CTNNA3: variants seen among roughly 807,000 people sequenced by gnomAD.
CTNNA3 encodes the protein catenin alpha-3.
CTNNA3 carries 76 observed loss-of-function variants against 95.7 expected under a neutral mutation model. That is an observed-to-expected ratio of 0.79 (90% CI 0.66 to 0.96). The LOEUF (loss-of-function observed/expected upper bound fraction) is 0.96, where lower values mean the gene tolerates loss of function less well. Ranked by LOEUF, CTNNA3 falls within the 40% of genes least tolerant of loss-of-function variation. CTNNA3 has a pLI of 0.00. For synonymous variants in CTNNA3, 431 were observed against 374.4 expected, an observed-to-expected ratio of 1.15 and a Z score of -1.74; for missense variants, 1,191 against 1,089.8, an observed-to-expected ratio of 1.09 and a Z score of -1.31.
rs372712619 is a variant in CTNNA3, at chr10:66,777,762, T to TACACACAC, written c.1048-2246_1048-2239dup. Among the ~76,000 whole-genome samples, 741 of 136,938 alleles carry TACACACAC rather than the reference T, an allele frequency of 5.4e-3. 9 individuals carry two copies. The highest frequency in any genetic ancestry group is 0.018 in the African/African-American group (660 of 35,914). The allele number at this position is 136,938 out of a possible 152,430, so 89.8% of individuals were successfully genotyped here. On this transcript the variant is annotated intron_variant, in intron 7 of 17. Coordinates refer to ENST00000433211, the MANE Select transcript of CTNNA3 (RefSeq NM_013266.4). ...AAGTGGGACAGACAAAGAGACCTCC[T>TACACACAC]ACACACACACACACACACACACACA...
intron 9 of CTNNA3, among the ~76,000 whole-genome samples, chr10:66,737,903 C>T (rs770878210): frequency 6.6e-6 from 1 of 152,108 alleles, no homozygotes; most frequent in African/African-American, 2.4e-5. Flanking sequence ...GTGATCTGCC[C>T]GCCTTGGCCT....
At chr10:66,641,407 CTT>C (rs775545005) in intron 9 of CTNNA3, among the ~76,000 whole-genome samples, 1 of 152,106 alleles carries the variant, frequency 6.6e-6, no homozygotes, top group Non-Finnish European at 1.5e-5. Context: ...GGTCTACACT[CTT>C]TCCATTGAAT....
intron 7 of CTNNA3, among the ~76,000 whole-genome samples, chr10:67,081,765 G>A (rs1857071766): frequency 6.6e-6 from 1 of 152,146 alleles, no homozygotes; most frequent in African/African-American, 2.4e-5. Context: ...TTCTCTGAAT[G>A]AGTTCCTTGT....
chr10:66,612,333 C>A (rs1024819183), intron 10 of CTNNA3, among the ~76,000 whole-genome samples: 1 of 152,082 alleles, frequency 6.6e-6, no homozygotes, highest in East Asian at 1.9e-4. Context: ...ATCAATCTTC[C>A]GAAAGCACAG....
chr10:66,889,515 A>C (rs1845179717), intron 7 of CTNNA3, among the ~76,000 whole-genome samples: 1 of 152,172 alleles, frequency 6.6e-6, no homozygotes, highest in Non-Finnish European at 1.5e-5. Context: ...TTTTGCTGTG[A>C]ACTTATAATT....
At chr10:67,050,002 T>A (rs1854983642) in intron 7 of CTNNA3, among the ~76,000 whole-genome samples, 1 of 152,218 alleles carries the variant, frequency 6.6e-6, no homozygotes, top group African/African-American at 2.4e-5. Flanking sequence ...TAATGCAGTA[T>A]CCATTTGTAA....
chr10:67,378,036 A>G (rs1843762440), intron 5 of CTNNA3, among the ~76,000 whole-genome samples: 1 of 152,034 alleles, frequency 6.6e-6, no homozygotes, highest in African/African-American at 2.4e-5. Context: ...CATGCCACAA[A>G]ACAAGGCTTC....
intron 1 of CTNNA3, among the ~76,000 whole-genome samples, chr10:67,672,936 T>C (rs1840466044): frequency 6.6e-6 from 1 of 152,072 alleles, no homozygotes; most frequent in African/African-American, 2.4e-5. Context: ...ATTGAATCTA[T>C]AAATTACCTT....
chr10:66,532,981 C>T (rs1357938101), intron 10 of CTNNA3, among the ~76,000 whole-genome samples: 3 of 151,804 alleles, frequency 2.0e-5, no homozygotes, highest in Non-Finnish European at 4.4e-5. Context: ...TGCCACAACC[C>T]CACTCTACAC....
chr10:67,740,442 G>A (rs553769274), intron 1 of CTNNA3, among the ~76,000 whole-genome samples: 6 of 151,332 alleles, frequency 4.0e-5, no homozygotes, highest in Middle Eastern at 3.5e-3. Flanking sequence ...AACCTACAAT[G>A]AACTCGAACA....
At chr10:67,531,933 C>T (rs1480916561) in intron 4 of CTNNA3, among the ~76,000 whole-genome samples, 3 of 152,008 alleles carry the variant, frequency 2.0e-5, no homozygotes, top group African/African-American at 7.2e-5. Flanking sequence ...AGGAGTTTCC[C>T]TCCACAAGCT....
At chr10:66,341,233 C>A (rs1266798447) in intron 12 of CTNNA3, among the ~76,000 whole-genome samples, 1 of 151,866 alleles carries the variant, frequency 6.6e-6, no homozygotes, top group African/African-American at 2.4e-5. Context: ...TTTCTTTACG[C>A]CCTCATTCTA....
chr10:66,559,921 T>C (rs143704237), intron 10 of CTNNA3, among the ~76,000 whole-genome samples: 28 of 152,216 alleles, frequency 1.8e-4, no homozygotes, highest in African/African-American at 6.3e-4. Flanking sequence ...TGTCTCCACT[T>C]CTACATCATA....
intron 1 of CTNNA3, among the ~76,000 whole-genome samples, chr10:67,723,082 GTT>G: frequency 6.6e-6 from 1 of 150,694 alleles, no homozygotes; most frequent in East Asian, 2.0e-4. Context: ...TGCCTCCTGG[GTT>G]CAAGCAATTT....
intron 9 of CTNNA3, among the ~76,000 whole-genome samples, chr10:66,721,292 A>G (rs1303903991): frequency 6.6e-6 from 1 of 152,206 alleles, no homozygotes; most frequent in African/African-American, 2.4e-5. Context: ...AAAGCTTTTC[A>G]AGCTGTGCAC....
intron 5 of CTNNA3, among the ~76,000 whole-genome samples, chr10:67,441,274 A>T (rs1846503065): frequency 6.6e-6 from 1 of 151,952 alleles, no homozygotes; most frequent in African/African-American, 2.4e-5. Flanking sequence ...CAAAAAAAAA[A>T]AAAGAATAAA....
chr10:66,520,553 A>C, intron 11 of CTNNA3, 64 bp downstream of exon 11: 1 of 1,447,250 alleles, frequency 6.9e-7, no homozygotes, highest in South Asian at 1.3e-5. Context: ...TGCCTGTCCC[A>C]GTATTATTCT....
intron 13 of CTNNA3, among the ~76,000 whole-genome samples, chr10:66,237,807 A>C (rs921258418): frequency 6.6e-6 from 1 of 152,150 alleles, no homozygotes; most frequent in Non-Finnish European, 1.5e-5. Flanking sequence ...AATTCTAAAT[A>C]ATCATACAAA....
chr10:66,782,215 G>T (rs1228995915), intron 7 of CTNNA3, among the ~76,000 whole-genome samples: 1 of 152,006 alleles, frequency 6.6e-6, no homozygotes. Context: ...TTGTTATAAG[G>T]AATAAAAGGA....
Sources: allele counts gnomAD v4.1 joint callset (sites outside exome capture counted in the v4.1 genomes callset), GRCh38; gene constraint gnomAD v4.1.1; transcripts MANE v1.5; gene names NCBI Gene and HGNC (gene_info 2026-07-23, HGNC 2026-07-21).